SORCS2: variants seen among roughly 807,000 people sequenced by gnomAD.
SORCS2 encodes the protein sortilin related VPS10 domain containing receptor 2, also known as VPS10 domain-containing receptor SorCS2.
SORCS2 carries 100 observed loss-of-function variants against 141.6 expected under a neutral mutation model. The ratio of observed to expected loss-of-function variants is 0.71; its 90% confidence interval spans 0.60 to 0.83. The LOEUF is 0.83. Ranked by LOEUF, SORCS2 falls within the 40% of genes least tolerant of loss-of-function variation. SORCS2 has a pLI of 0.00. For synonymous variants in SORCS2, 789 were observed against 676.9 expected (o/e 1.17, Z -2.57); for missense variants, 1,646 against 1,560.2 (o/e 1.05, Z -0.93).
chr4:7,294,221 C>T (rs890409747), intron 1 of SORCS2, among the ~76,000 whole-genome samples: 8 of 152,030 alleles, frequency 5.3e-5, no homozygotes, highest in East Asian at 3.9e-4. Flanking sequence ...AGTGCCGGGG[C>T]GTAGGGGAGA....
intron 1 of SORCS2, among the ~76,000 whole-genome samples, chr4:7,296,451 C>T (rs1304100416): frequency 6.6e-6 from 1 of 152,192 alleles, no homozygotes. Context: ...CAACCCAAAT[C>T]ACGGGCAGGG....
intron 15 of SORCS2, among the ~76,000 whole-genome samples, chr4:7,713,653 G>A (rs1470998492): frequency 1.3e-5 from 2 of 152,274 alleles, no homozygotes; most frequent in Non-Finnish European, 2.9e-5. Context: ...GAAGCCTATC[G>A]GATAGGGAGG....
At chr4:7,591,536 T>C (rs1716911749) in intron 3 of SORCS2, among the ~76,000 whole-genome samples, 1 of 152,158 alleles carries the variant, frequency 6.6e-6, no homozygotes, top group Non-Finnish European at 1.5e-5. Context: ...CTTTTGGCTG[T>C]GGCAGAGCCA....
At chr4:7,731,635 G>A (rs766301115) in intron 23 of SORCS2, among the ~76,000 whole-genome samples, 96 of 152,172 alleles carry the variant, frequency 6.3e-4, no homozygotes, top group Non-Finnish European at 1.3e-3. Flanking sequence ...CCATGGAACA[G>A]AATAGAGCCC....
intron 2 of SORCS2, chr4:7,434,620 A>G (rs753724636): frequency 7.4e-6 from 12 of 1,613,456 alleles, no homozygotes; most frequent in Non-Finnish European, 1.0e-5. Flanking sequence ...CAAAGCCAGG[A>G]TGTCAGACTC....
chr4:7,290,582 C>T (rs964726326), intron 1 of SORCS2, among the ~76,000 whole-genome samples: 15 of 152,192 alleles, frequency 9.9e-5, no homozygotes, highest in African/African-American at 3.6e-4. Flanking sequence ...AAAGGGTTTG[C>T]AGTGAACCAT....
chr4:7,291,176 G>A (rs1716577636), intron 1 of SORCS2, among the ~76,000 whole-genome samples: 2 of 152,188 alleles, frequency 1.3e-5, no homozygotes, highest in Admixed American at 1.3e-4. Flanking sequence ...GTGAGAGAAG[G>A]GGCTCGGATG....
intron 2 of SORCS2, among the ~76,000 whole-genome samples, chr4:7,521,696 G>A (rs1179785575): frequency 1.3e-5 from 2 of 152,218 alleles, no homozygotes; most frequent in Admixed American, 6.5e-5. Context: ...TGTCACCTCT[G>A]CTGAGACTGA....
intron 12 of SORCS2, among the ~76,000 whole-genome samples, chr4:7,701,707 A>G (rs868286060): frequency 2.8e-4 from 42 of 152,142 alleles, no homozygotes; most frequent in African/African-American, 9.7e-4. Context: ...ATGTTCTTGC[A>G]GTGTGGATTC....
intron 1 of SORCS2, among the ~76,000 whole-genome samples, chr4:7,263,294 G>A (rs1714489859): frequency 6.6e-6 from 1 of 152,214 alleles, no homozygotes; most frequent in Admixed American, 6.5e-5. Flanking sequence ...AAAATGGACT[G>A]AGAGTTGGGA....
At chr4:7,721,451 G>A (rs1043529342) in intron 18 of SORCS2, among the ~76,000 whole-genome samples, 13 of 152,130 alleles carry the variant, frequency 8.5e-5, no homozygotes, top group Admixed American at 4.6e-4. Context: ...GGGCAACAGA[G>A]TGAGATCCCG....
At chr4:7,669,007 G>T (rs1227492945) in intron 8 of SORCS2, among the ~76,000 whole-genome samples, 1 of 152,182 alleles carries the variant, frequency 6.6e-6, no homozygotes, top group Non-Finnish European at 1.5e-5. Context: ...CATGACCTCT[G>T]TGACCTTGAG....
intron 1 of SORCS2, among the ~76,000 whole-genome samples, chr4:7,287,737 G>A (rs1194548701): frequency 6.6e-6 from 1 of 152,218 alleles, no homozygotes; most frequent in Non-Finnish European, 1.5e-5. Context: ...CTCCTTAGTG[G>A]CTCTGGTGTA....
intron 1 of SORCS2, among the ~76,000 whole-genome samples, chr4:7,203,498 G>A (rs1727581776): frequency 6.8e-6 from 1 of 146,150 alleles, no homozygotes; most frequent in Admixed American, 6.9e-5. Flanking sequence ...TGGCCTGGGC[G>A]ACAGAGCAAG....
At chr4:7,242,913 A>G (rs1712800771) in intron 1 of SORCS2, among the ~76,000 whole-genome samples, 1 of 152,216 alleles carries the variant, frequency 6.6e-6, no homozygotes, top group Non-Finnish European at 1.5e-5. Flanking sequence ...AGGGCTCAGC[A>G]CCGGGAAAAC....
intron 19 of SORCS2, among the ~76,000 whole-genome samples, 181 bp from the exon 20 acceptor site, chr4:7,724,973 G>A (rs112186344): frequency 0.024 from 2,529 of 103,962 alleles, 2 homozygotes; most frequent in East Asian, 0.032. Flanking sequence ...TGGTGATAGT[G>A]TTGGTGGGAA....
intron 2 of SORCS2, among the ~76,000 whole-genome samples, chr4:7,466,705 G>C (rs1341425445): frequency 6.6e-6 from 1 of 152,152 alleles, no homozygotes; most frequent in Admixed American, 6.5e-5. Context: ...AGAACCAGTG[G>C]GTGGCCCACT....
chr4:7,443,231 T>C (rs962835786), intron 2 of SORCS2, among the ~76,000 whole-genome samples: 1 of 152,218 alleles, frequency 6.6e-6, no homozygotes, highest in Admixed American at 6.5e-5. Context: ...CACCCTCCAC[T>C]GATGGATTCT....
chr4:7,364,189 G>A (rs1721749693), intron 1 of SORCS2, among the ~76,000 whole-genome samples: 2 of 152,170 alleles, frequency 1.3e-5, no homozygotes, highest in Admixed American at 6.5e-5. Flanking sequence ...ATATGCACAG[G>A]CTGGGGATTA....
Sources: gnomAD v4.1 joint callset for allele counts (sites outside exome capture counted in the v4.1 genomes callset) on GRCh38, gnomAD v4.1.1 for gene constraint, MANE v1.5 for transcripts, NCBI Gene and HGNC (gene_info 2026-07-23, HGNC 2026-07-21) for gene names.